FBXO31: variants seen among roughly 807,000 people sequenced by gnomAD.
The protein encoded by FBXO31 is F-box protein 31.
In FBXO31, 24 loss-of-function variants were observed where a neutral mutation model predicts 54.4. That is an observed-to-expected ratio of 0.44 (90% CI 0.32 to 0.62). The LOEUF is 0.62. FBXO31 is among the 20% of genes least tolerant of loss of function. The pLI is 0.05. For synonymous variants in FBXO31, 388 were observed against 335.6 expected (o/e 1.16, Z -1.71); for missense variants, 665 against 787.1 (o/e 0.84, Z 1.86).
In FBXO31 at chr16:87,347,154, C is replaced by A; in HGVS notation, c.489+20G>T. The A allele has an allele frequency of 6.2e-7, 1 of 1,611,952 alleles. No homozygotes were observed. The highest frequency in any genetic ancestry group is 1.7e-5 in the Admixed American group (1 of 60,022). ...ACTCCTGCCCGTGCACAGACCTCGT[C>A]GCGAGGCTCCGGGACTTACCACCAC... On this transcript the variant is annotated intron_variant, in intron 3 of 8. Transcript: ENST00000311635.
upstream of FBXO31, among the ~76,000 whole-genome samples, chr16:87,388,458 A>C (rs1393126692): frequency 6.6e-6 from 1 of 152,254 alleles, no homozygotes; most frequent in African/African-American, 2.4e-5. Flanking sequence ...CACTGGGCCT[A>C]TAGTGGTGCA....
rs147235576 is a variant in FBXO31, at chr16:87,375,094, G to A, written c.340+8311C>T. On this transcript the variant is annotated intron_variant, in intron 1 of 8. Transcript: ENST00000311635. Reference sequence around the variant, plus strand: ...AGCACTTTGGGAGGCCGAGGCAGGCGGATCACAAGGTTAGGAGATCAAGAA... The same window carrying A: ...AGCACTTTGGGAGGCCGAGGCAGGCAGATCACAAGGTTAGGAGATCAAGAA... Among the ~76,000 whole-genome samples the A allele has an allele frequency of 7.2e-4, 109 of 152,222 alleles. 3 individuals carry two copies. In the East Asian group the frequency reaches 0.017, roughly 24 times the overall value.
At chr16:87,382,369 C>A (rs1907115445) in intron 1 of FBXO31, among the ~76,000 whole-genome samples, 1 of 152,122 alleles carries the variant, frequency 6.6e-6, no homozygotes, top group South Asian at 2.1e-4. Flanking sequence ...TTACTTTGTT[C>A]CTTTTGCTGT....
intron 2 of FBXO31, among the ~76,000 whole-genome samples, chr16:87,353,217 C>T (rs1905742860): frequency 6.6e-6 from 1 of 152,178 alleles, no homozygotes; most frequent in African/African-American, 2.4e-5. Flanking sequence ...TGCAGCCTCT[C>T]CTGCCTCTCA....
At chr16:87,357,327 CT>C (rs34678078) in intron 2 of FBXO31, among the ~76,000 whole-genome samples, 11,829 of 123,286 alleles carry the variant, frequency 0.096, 347 homozygotes, top group East Asian at 0.24. Context: ...GAATTCGGTT[CT>C]TTTTTTTTTT....
chr16:87,339,203 C>T (rs534814691), intron 5 of FBXO31, among the ~76,000 whole-genome samples: 2 of 152,170 alleles, frequency 1.3e-5, no homozygotes, highest in Admixed American at 6.5e-5. Flanking sequence ...AGGGCAGTAC[C>T]GAATTCCTGT....
chr16:87,339,595 C>T (rs1195845357), intron 5 of FBXO31, among the ~76,000 whole-genome samples: 3 of 152,230 alleles, frequency 2.0e-5, no homozygotes, highest in Non-Finnish European at 4.4e-5. Flanking sequence ...GTGGCACCCT[C>T]ACCCTGTCAA....
chr16:87,362,811 C>T (rs1038093993), intron 1 of FBXO31, among the ~76,000 whole-genome samples: 5 of 152,322 alleles, frequency 3.3e-5, no homozygotes, highest in South Asian at 2.1e-4. Flanking sequence ...AGTGATCTGG[C>T]CTCCCAAAGT....
At chr16:87,369,633 C>G (rs1906512636) in intron 1 of FBXO31, among the ~76,000 whole-genome samples, 1 of 152,192 alleles carries the variant, frequency 6.6e-6, no homozygotes, top group Non-Finnish European at 1.5e-5. Flanking sequence ...CTGCTTCAGA[C>G]ATAGGTGTCA....
chr16:87,331,735 T>A (rs1904867898), intron 8 of FBXO31, among the ~76,000 whole-genome samples: 1 of 152,214 alleles, frequency 6.6e-6, no homozygotes, highest in Non-Finnish European at 1.5e-5. Context: ...GCCCACCTGA[T>A]GATGGACGCA....
rs1354804376 is a variant in FBXO31 at position 87,383,390 on chromosome 16, C to A, written c.340+15G>T. The A allele has an allele frequency of 2.0e-6, 3 of 1,527,474 alleles. No individual in the cohort carries two copies. Among genetic ancestry groups the A allele is most frequent in the Middle Eastern group, 2.3e-4 (1 of 4,300 alleles). The allele number at this position is 1,527,474 out of a possible 1,614,324, so 94.6% of individuals were successfully genotyped here. ...CCCCCCGCCCCTCCCGGCCCCGCCA[C>A]CCCCGCGCGCTCACCCTCACGGCAA... is the stretch of plus-strand genomic sequence containing the variant. On this transcript the variant is annotated intron_variant, in intron 1 of 8. Coordinates refer to ENST00000311635, the MANE Select transcript of FBXO31 (RefSeq NM_024735.5). The surrounding 1 kb of genome is among the most constrained non-coding windows in gnomAD (Gnocchi z 4.9).
intron 1 of FBXO31, among the ~76,000 whole-genome samples, chr16:87,377,785 CACCACT>C (rs911279032): frequency 6.6e-6 from 1 of 151,042 alleles, no homozygotes; most frequent in African/African-American, 2.4e-5. Flanking sequence ...GCTGTGACTG[CACCACT>C]ACACTCTAGC....
At chr16:87,371,270 G>C (rs1906592190) in intron 1 of FBXO31, among the ~76,000 whole-genome samples, 1 of 152,182 alleles carries the variant, frequency 6.6e-6, no homozygotes, top group East Asian at 1.9e-4. Flanking sequence ...GTGGACAGGA[G>C]ACTTGAGAAG....
rs1274681866 is a variant in FBXO31, at chr16:87,331,287, G to C, written c.*1C>G. 7 of 1,612,956 alleles carry C rather than the reference G, an allele frequency of 4.3e-6. No individual in the cohort carries two copies. The South Asian group carries it at 6.6e-5, about 15-fold the overall frequency. ...GGATGTGGCGGCAAGGATGTGGCCG[G>C]TCAGGAGGTGAGGGACTGAATGTTC... is the stretch of plus-strand genomic sequence containing the variant. On this transcript the variant is annotated 3_prime_UTR_variant, in exon 9 of 9. Transcript: ENST00000311635.
chr16:87,338,846 G>A lies in FBXO31; in HGVS notation c.733-2582C>T, dbSNP rs1300713267. Reference sequence around the variant, plus strand: ...CCCCACCCAAATCTCATCTTGAACTGTAGCTCTTCCAATTCCCATGTCATG... The same window carrying A: ...CCCCACCCAAATCTCATCTTGAACTATAGCTCTTCCAATTCCCATGTCATG... On this transcript the variant is annotated intron_variant, in intron 5 of 8. Coordinates refer to ENST00000311635, the MANE Select transcript of FBXO31 (RefSeq NM_024735.5). This position sits in a 1 kb window ranked among gnomAD's most constrained non-coding sequence, Gnocchi z 4.3. Among the ~76,000 whole-genome samples, 3 of 152,122 alleles carry A rather than the reference G, an allele frequency of 2.0e-5. No individual in the cohort carries two copies. Among genetic ancestry groups the A allele is most frequent in the East Asian group, 3.9e-4 (2 of 5,176 alleles).
chr16:87,383,812 C>T, upstream of FBXO31: 1 of 1,082,326 alleles, frequency 9.2e-7, no homozygotes, highest in East Asian at 4.5e-5. The surrounding 1 kb of genome is among the most constrained non-coding windows in gnomAD (Gnocchi z 4.9). Context: ...CCGCCAGCGC[C>T]GAGCCACGCC....
At chr16:87,371,537 C>T (rs1191948100) in intron 1 of FBXO31, among the ~76,000 whole-genome samples, 4 of 152,242 alleles carry the variant, frequency 2.6e-5, no homozygotes, top group African/African-American at 9.6e-5. Context: ...CCTGACGAGT[C>T]GTGGCTAATT....
chr16:87,364,502 T>C (rs916648657), intron 1 of FBXO31, among the ~76,000 whole-genome samples: 1 of 152,062 alleles, frequency 6.6e-6, no homozygotes, highest in Non-Finnish European at 1.5e-5. Context: ...CACCTGTCAA[T>C]GTGGAAGTCA....
chr16:87,378,214 C>T (rs1410290699), intron 1 of FBXO31, among the ~76,000 whole-genome samples: 2 of 150,324 alleles, frequency 1.3e-5, no homozygotes, highest in Non-Finnish European at 1.5e-5. Flanking sequence ...AAATAAAATC[C>T]ACAAATCAAA....
Sources: gnomAD v4.1 joint callset for allele counts (sites outside exome capture counted in the v4.1 genomes callset) on GRCh38, gnomAD v4.1.1 for gene constraint, Gnocchi (gnomAD v3.1) non-coding constraint, MANE v1.5 for transcripts, NCBI Gene and HGNC (gene_info 2026-07-23, HGNC 2026-07-21) for gene names.